RARG: variants seen among roughly 807,000 people sequenced by gnomAD.
The protein encoded by RARG is RAR-gamma.
Under a neutral mutation model 43.7 loss-of-function variants are expected in RARG, and 17 were observed. That is an observed-to-expected ratio of 0.39 (90% CI 0.27 to 0.58). The LOEUF (loss-of-function observed/expected upper bound fraction) is 0.58, where lower values mean the gene tolerates loss of function less well. Ranked by LOEUF, RARG falls within the 20% of genes least tolerant of loss-of-function variation. RARG has a pLI of 0.57. For synonymous variants in RARG, 238 were observed against 236.4 expected (o/e 1.01, Z -0.06); for missense variants, 346 against 598.7 (o/e 0.58, Z 4.40).
intron 5 of RARG, 141 bp from the exon 6 acceptor site, chr12:53,214,747 A>G: frequency 1.1e-6 from 1 of 930,482 alleles, no homozygotes; most frequent in Non-Finnish European, 1.5e-6. Context: ...CAGTTTCCCT[A>G]TCACCTATAA....
At chr12:53,228,679 C>T (rs959024815) in intron 2 of RARG, among the ~76,000 whole-genome samples, 1 of 152,164 alleles carries the variant, frequency 6.6e-6, no homozygotes, top group African/African-American at 2.4e-5. Context: ...GACTTTACTT[C>T]TCTGCCTCCT....
rs1456908222 is a variant in RARG at position 53,213,816 on chromosome 12, G to T, written c.814-116C>A. Reference sequence around the variant, plus strand: ...GTGAGTGCAACCTGAAGCAGGCATGGAGAAGGCAGAGGTGGAGGATCTGAG... The same window carrying T: ...GTGAGTGCAACCTGAAGCAGGCATGTAGAAGGCAGAGGTGGAGGATCTGAG... On this transcript the variant is annotated intron_variant, in intron 7 of 9. Coordinates refer to ENST00000425354, the MANE Select transcript of RARG (RefSeq NM_000966.6). The surrounding 1 kb of genome is among the most constrained non-coding windows in gnomAD (Gnocchi z 4.7). The T allele has an allele frequency of 1.7e-6, 2 of 1,207,088 alleles. No individual in the cohort carries two copies. Among genetic ancestry groups the T allele is most frequent in the Non-Finnish European group, 2.4e-6 (2 of 845,188 alleles). The allele number at this position is 1,207,088 out of a possible 1,614,324, so 74.8% of individuals were successfully genotyped here.
chr12:53,231,295 CCGGTCTTCCTGCTCTTTCTTTGTT>C (rs1943230867), intron 1 of RARG, 60 bp from the exon 2 acceptor site: 1 of 152,410 alleles, frequency 6.6e-6, no homozygotes, highest in African/African-American at 2.4e-5. Context: ...GGTCCCTGTC[CCGGTCTTCCTGCTCTTTCTTTGTT>C]CCATTTGGGC....
chr12:53,214,836 T>C (rs946842889), intron 5 of RARG: 2 of 493,954 alleles, frequency 4.0e-6, no homozygotes, highest in African/African-American at 1.9e-5. Flanking sequence ...GCCATTCGGC[T>C]CCATCCTGTC....
intron 5 of RARG, 194 bp from the exon 6 acceptor site, chr12:53,214,800 G>A (rs1942712833): frequency 3.4e-6 from 2 of 594,820 alleles, no homozygotes; most frequent in South Asian, 5.6e-5. Context: ...CCCACCCAGG[G>A]CCTGCAGCCC....
Position 53,211,957 on chromosome 12 carries a change from C to T in RARG, c.1178-94G>A. On this transcript the variant is annotated intron_variant, in intron 9 of 9. Coordinates refer to ENST00000425354, the MANE Select transcript of RARG (RefSeq NM_000966.6). This position sits in a 1 kb window ranked among gnomAD's most constrained non-coding sequence, Gnocchi z 4.6. ...AACCTTTCTCAACTGCCCCTGACTC[C>T]CCTAGGGGGCGCCCAGCACAGGCCC... 2 of 1,012,486 alleles carry T rather than the reference C, an allele frequency of 2.0e-6. No homozygotes were observed. The highest frequency in any genetic ancestry group is 3.0e-5 in the East Asian group (1 of 33,372). 62.7% of individuals were successfully genotyped at this position (1,012,486 alleles called of 1,614,324 possible). A position where few individuals can be genotyped will look rare whatever the true frequency, so the allele number is the denominator to read the frequency against.
intron 3 of RARG, among the ~76,000 whole-genome samples, chr12:53,219,753 A>G (rs1273125001): frequency 2.0e-5 from 3 of 152,146 alleles, no homozygotes; most frequent in Non-Finnish European, 2.9e-5. Flanking sequence ...CACCCACCAT[A>G]AAAACCACAC....
rs555608509 is a variant in RARG, at chr12:53,211,729, C to T, written c.1312G>A (p.Glu438Lys). The T allele has an allele frequency of 1.4e-5, 22 of 1,565,766 alleles. No homozygotes were observed. The highest frequency in any genetic ancestry group is 2.5e-5 in the East Asian group (1 of 40,498). Residue 438 changes from glutamate to lysine, a missense_variant, in exon 10 of 10, where the codon GAG becomes AAG. Around this residue, in one of 8 missense-constraint regions of RARG, gnomAD observed 40 missense variants for 44.6 expected, o/e 0.90. Coordinates refer to ENST00000425354, the MANE Select transcript of RARG (RefSeq NM_000966.6). The surrounding 1 kb of genome is among the most constrained non-coding windows in gnomAD (Gnocchi z 4.6). ...QPGPHPNASS[E>K]DEVPGGQGKG... is the part of the protein sequence containing the mutation. ...CCCTGGCCCCCAGGAACCTCATCCTCGCTAGAGGCATTGGGGTGGGGACCA... is the reference window on the plus strand; with the variant it reads ...CCCTGGCCCCCAGGAACCTCATCCTTGCTAGAGGCATTGGGGTGGGGACCA...
intron 5 of RARG, chr12:53,214,914 T>C (rs748571646): frequency 2.6e-5 from 10 of 392,100 alleles, no homozygotes; most frequent in Middle Eastern, 7.0e-4. Context: ...TATCCACTTA[T>C]AGCCTTGGCA....
rs984294119 is a variant in RARG at position 53,219,377 on chromosome 12, A to G, written c.185-3583T>C. ...ACACACAGGATGCACTCTCGAACAC[A>G]GCACTTTCCAAAACCGCCCCCGCAG... is the stretch of plus-strand genomic sequence containing the variant. On this transcript the variant is annotated intron_variant, in intron 3 of 9. Transcript: ENST00000425354. Among the ~76,000 whole-genome samples, 9 of 152,282 alleles carry G rather than the reference A, an allele frequency of 5.9e-5. No homozygotes were observed. The East Asian group carries it at 1.7e-3, about 29-fold the overall frequency.
chr12:53,215,895 A>G lies in RARG; in HGVS notation c.185-101T>C, dbSNP rs1306017618. ...CCCATGTGCATTTGTTCCTTGGCCC[A>G]CTGGTGACAGCCATCACTACCACAG... On this transcript the variant is annotated intron_variant, in intron 3 of 9. Coordinates refer to ENST00000425354, the MANE Select transcript of RARG (RefSeq NM_000966.6). The surrounding 1 kb of genome is among the most constrained non-coding windows in gnomAD (Gnocchi z 6.4). 4 of 1,301,234 alleles carry G rather than the reference A, an allele frequency of 3.1e-6. No homozygotes were observed. Among genetic ancestry groups the G allele is most frequent in the Non-Finnish European group, 4.1e-6 (4 of 971,252 alleles). The allele number at this position is 1,301,234 out of a possible 1,614,324, so 80.6% of individuals were successfully genotyped here.
At position 53,214,544 on chromosome 12, in the gene RARG, A is replaced by G. The variant is rs1462419082; in HGVS notation, c.538T>C (p.Tyr180His). The change falls in exon 6 of 10, where the codon TAT becomes CAT. Residue 180 changes from tyrosine (Y) to histidine (H), a missense_variant. Tyr to His is a moderately conservative substitution (Grantham distance 83). Around this residue, in one of 8 missense-constraint regions of RARG, gnomAD observed 67 missense variants for 79.6 expected, o/e 0.84. Transcript: ENST00000425354. ...EVKEEGSPDS[Y>H]ELSPQLEELI... ...TCTTCTAACTGAGGGCTCAGCTCAT[A>G]GCTGTCAGGTGACCCTTCTTCCTTC... 1.9e-6 allele frequency: 3 copies of G among 1,612,804 alleles called. No individual in the cohort carries two copies. The highest frequency in any genetic ancestry group is 2.5e-6 in the Non-Finnish European group (3 of 1,178,880).
rs1381841218 is a variant in RARG at position 53,232,201 on chromosome 12, G to A, written c.-437C>T. 1 of 398,318 alleles carries A rather than the reference G, an allele frequency of 2.5e-6. No homozygotes were observed. Among genetic ancestry groups the A allele is most frequent in the Non-Finnish European group, 4.4e-6 (1 of 225,898 alleles). The allele number at this position is 398,318 out of a possible 1,614,324, so 24.7% of individuals were successfully genotyped here. A position where few individuals can be genotyped will look rare whatever the true frequency, so the allele number is the denominator to read the frequency against. On this transcript the variant is annotated 5_prime_UTR_variant, in exon 1 of 10. Coordinates refer to ENST00000425354, the MANE Select transcript of RARG (RefSeq NM_000966.6). ...CAAACCGCACACTGACTCTGCAGGCGGGGACACGGAAAATATTTTCTTTCT... is the reference window on the plus strand; with the variant it reads ...CAAACCGCACACTGACTCTGCAGGCAGGGACACGGAAAATATTTTCTTTCT...
intron 3 of RARG, among the ~76,000 whole-genome samples, chr12:53,218,680 T>C (rs1489879508): frequency 6.7e-6 from 1 of 150,328 alleles, no homozygotes; most frequent in Non-Finnish European, 1.5e-5. Flanking sequence ...AGCTCTGCTC[T>C]GGAACCAAAA....
rs767196502 is a variant in RARG, at chr12:53,213,724, G to A, written c.814-24C>T. 3 of 1,575,642 alleles carry A rather than the reference G, an allele frequency of 1.9e-6. No individual in the cohort carries two copies. Among genetic ancestry groups the A allele is most frequent in the Non-Finnish European group, 2.6e-6 (3 of 1,146,924 alleles). ...ATCTGGAGGTGGGGGGTGGAGGAGGGTTAGTGCTGTTTCTGGGGGATGGGG... is the reference window on the plus strand; with the variant it reads ...ATCTGGAGGTGGGGGGTGGAGGAGGATTAGTGCTGTTTCTGGGGGATGGGG... On this transcript the variant is annotated intron_variant, in intron 7 of 9. Coordinates refer to ENST00000425354, the MANE Select transcript of RARG (RefSeq NM_000966.6). The surrounding 1 kb of genome is among the most constrained non-coding windows in gnomAD (Gnocchi z 4.7).
At position 53,232,100 on chromosome 12, in the gene RARG, G is replaced by C. The variant is rs947423641; in HGVS notation, c.-336C>G. On this transcript the variant is annotated 5_prime_UTR_variant, in exon 1 of 10. Coordinates refer to ENST00000425354, the MANE Select transcript of RARG (RefSeq NM_000966.6). ...GGGCTCCTGGGGGGGCACGGCTCTA[G>C]GCTGGGACTGTCCCGGGGCCTCTCG... 2.5e-6 allele frequency: 1 copy of C among 398,640 alleles called. No individual in the cohort carries two copies. The highest frequency in any genetic ancestry group is 4.4e-6 in the Non-Finnish European group (1 of 226,176). 24.7% of individuals were successfully genotyped at this position (398,640 alleles called of 1,614,324 possible).
Position 53,232,082 on chromosome 12 carries a change from TG to T in RARG, c.-319del. On this transcript the variant is annotated 5_prime_UTR_variant, in exon 1 of 10. Transcript: ENST00000425354. ...GGGGCTCGCCGTACTGGGGGGCTCC[TG>T]GGGGGGCACGGCTCTAGGCTGGGAC... The T allele has an allele frequency of 1.0e-5, 4 of 398,082 alleles. No homozygotes were observed. Among genetic ancestry groups the T allele is most frequent in the South Asian group, 2.6e-4 (2 of 7,818 alleles). The allele number at this position is 398,082 out of a possible 1,614,324, so 24.7% of individuals were successfully genotyped here.
intron 2 of RARG, among the ~76,000 whole-genome samples, chr12:53,230,425 C>G (rs1242567999): frequency 4.6e-5 from 7 of 152,086 alleles, no homozygotes; most frequent in African/African-American, 1.5e-4. Flanking sequence ...CTGCCCCCCT[C>G]CCCTCTGTAT....
intron 3 of RARG, among the ~76,000 whole-genome samples, chr12:53,222,412 A>G (rs977789547): frequency 1.3e-5 from 2 of 152,234 alleles, no homozygotes; most frequent in African/African-American, 4.8e-5. Flanking sequence ...CAAGAGGGAA[A>G]GAGCCTTGAT....
Sources: allele counts gnomAD v4.1 joint callset (sites outside exome capture counted in the v4.1 genomes callset), GRCh38; gene constraint gnomAD v4.1.1; regional missense constraint gnomAD v4.1.1; non-coding constraint Gnocchi (gnomAD v3.1); transcripts MANE v1.5; gene names NCBI Gene and HGNC (gene_info 2026-07-23, HGNC 2026-07-21).